AMPH: variants seen among roughly 807,000 people sequenced by gnomAD.
The protein encoded by AMPH is amphiphysin (Stiff-Mann syndrome with breast cancer 128kD autoantigen).
Under a neutral mutation model 99.1 loss-of-function variants are expected in AMPH, and 49 were observed. The observed-to-expected ratio is 0.49, with a 90% CI of 0.39 to 0.63. The LOEUF is 0.63. Ranked by LOEUF, AMPH falls within the 20% of genes least tolerant of loss-of-function variation. AMPH has a pLI of 0.00. For synonymous variants in AMPH, 314 were observed against 317.3 expected (o/e 0.99, Z 0.11); for missense variants, 759 against 863.4 (o/e 0.88, Z 1.52).
chr7:38,569,776 G>C (rs1031881809), intron 1 of AMPH, among the ~76,000 whole-genome samples: 1 of 152,044 alleles, frequency 6.6e-6, no homozygotes, highest in Non-Finnish European at 1.5e-5. Flanking sequence ...TGATTAGGCT[G>C]ACCACAGCCT....
At chr7:38,611,864 G>T (rs1793691751) in intron 1 of AMPH, among the ~76,000 whole-genome samples, 1 of 152,154 alleles carries the variant, frequency 6.6e-6, no homozygotes, top group South Asian at 2.1e-4. Flanking sequence ...AGTAATAGGA[G>T]CTAATTATTA....
intron 4 of AMPH, among the ~76,000 whole-genome samples, chr7:38,492,138 T>C (rs1223852647): frequency 1.3e-5 from 2 of 152,248 alleles, no homozygotes; most frequent in African/African-American, 4.8e-5. Flanking sequence ...ACCTCCCATT[T>C]TAGCTCGGCC....
chr7:38,418,402 G>T (rs1368195686), intron 16 of AMPH, among the ~76,000 whole-genome samples: 1 of 152,180 alleles, frequency 6.6e-6, no homozygotes, highest in Non-Finnish European at 1.5e-5. Flanking sequence ...TTGCCAGTGG[G>T]AAGGAGTAAG....
intron 1 of AMPH, among the ~76,000 whole-genome samples, chr7:38,608,478 A>T (rs79404663): frequency 0.066 from 10,048 of 152,106 alleles, 454 homozygotes; most frequent in South Asian, 0.1. Context: ...TGTCTTCCTA[A>T]CATACTATTT....
intron 1 of AMPH, among the ~76,000 whole-genome samples, chr7:38,535,943 T>C (rs545901585): frequency 2.2e-4 from 34 of 152,250 alleles, no homozygotes; most frequent in Admixed American, 2.0e-3. Flanking sequence ...ATCTACTTCA[T>C]AGGGACAGTA....
At chr7:38,419,594 A>G (rs1466442777) in intron 16 of AMPH, among the ~76,000 whole-genome samples, 1 of 152,242 alleles carries the variant, frequency 6.6e-6, no homozygotes, top group African/African-American at 2.4e-5. Flanking sequence ...ATAGTGGAAC[A>G]AGTTTTCATA....
At chr7:38,509,129 T>C (rs2129029468) in intron 2 of AMPH, among the ~76,000 whole-genome samples, 1 of 152,320 alleles carries the variant, frequency 6.6e-6, no homozygotes, top group Middle Eastern at 3.4e-3. Flanking sequence ...CTGTCTGTCA[T>C]TAAGAACCCA....
At chr7:38,506,860 A>G (rs1020894530) in intron 2 of AMPH, among the ~76,000 whole-genome samples, 2 of 152,242 alleles carry the variant, frequency 1.3e-5, no homozygotes, top group Non-Finnish European at 2.9e-5. Flanking sequence ...TGTCTGCTTT[A>G]GGATTCTGCT....
At chr7:38,531,860 T>A (rs1285554005) in intron 2 of AMPH, among the ~76,000 whole-genome samples, 7 of 152,240 alleles carry the variant, frequency 4.6e-5, no homozygotes, top group Admixed American at 4.6e-4. Context: ...CTAGATTAGA[T>A]AATGCCTTTA....
chr7:38,623,999 A>T (rs1488215501), intron 1 of AMPH, among the ~76,000 whole-genome samples: 1 of 152,262 alleles, frequency 6.6e-6, no homozygotes, highest in East Asian at 1.9e-4. Flanking sequence ...TATAGAATCC[A>T]TAAGGGTAAT....
At chr7:38,621,415 A>G (rs1794056356) in intron 1 of AMPH, among the ~76,000 whole-genome samples, 1 of 152,216 alleles carries the variant, frequency 6.6e-6, no homozygotes. Flanking sequence ...TGCCTTCCAC[A>G]TATTAGATTC....
Position 38,396,286 on chromosome 7 carries a change from T to C in AMPH, c.1399-2072A>G, listed in dbSNP as rs532671359. ...GTGGGTCTTTCCCATGCTGTTCTCA[T>C]GATAGTGACTGGGTCTCACCAGATT... On this transcript the variant is annotated intron_variant, in intron 17 of 20. Transcript: ENST00000356264. 9.8e-5 allele frequency among the ~76,000 whole-genome samples: 15 copies of C among 152,316 alleles called. No individual in the cohort carries two copies. The South Asian group carries it at 3.1e-3, about 32-fold the overall frequency.
chr7:38,472,955 C>T (rs549884879), intron 7 of AMPH, among the ~76,000 whole-genome samples: 8 of 152,186 alleles, frequency 5.3e-5, no homozygotes, highest in African/African-American at 1.7e-4. Context: ...AGGAAGGGCA[C>T]AAAAGACTGA....
chr7:38,394,483 C>G (rs1415171681), intron 17 of AMPH, among the ~76,000 whole-genome samples: 1 of 152,204 alleles, frequency 6.6e-6, no homozygotes, highest in East Asian at 1.9e-4. Context: ...TGACATACAC[C>G]ATTCCAAAGA....
chr7:38,444,033 T>C (rs80150237), intron 11 of AMPH, among the ~76,000 whole-genome samples: 79 of 152,072 alleles, frequency 5.2e-4, no homozygotes, highest in African/African-American at 1.8e-3. Flanking sequence ...GTTGTACTTA[T>C]AGACAATAGT....
intron 4 of AMPH, among the ~76,000 whole-genome samples, chr7:38,493,359 G>C (rs758576763): frequency 2.0e-5 from 3 of 152,162 alleles, no homozygotes; most frequent in Admixed American, 6.5e-5. Context: ...ATCTGTGACT[G>C]GCAGTTGTCT....
chr7:38,417,308 T>TTG (rs200088026), intron 17 of AMPH, among the ~76,000 whole-genome samples: 3 of 134,890 alleles, frequency 2.2e-5, no homozygotes, highest in Non-Finnish European at 4.9e-5. Flanking sequence ...GTCCGTATTA[T>TTG]TATGAGTCAT....
At chr7:38,598,319 T>C (rs1369764274) in intron 1 of AMPH, among the ~76,000 whole-genome samples, 1 of 151,836 alleles carries the variant, frequency 6.6e-6, no homozygotes, top group Non-Finnish European at 1.5e-5. Context: ...AGTCTTACTC[T>C]GTCACCTGGA....
Position 38,587,914 on chromosome 7 carries a change from C to CTGTGTGTGTGTGTG in AMPH, c.69+43355_69+43368dup, listed in dbSNP as rs200023803. ...TGAACTTTAAACAGCTTATTAATTACTGTGTGTGTGTGTGTGTGTGTGTGT... is the reference window on the plus strand; with the variant it reads ...TGAACTTTAAACAGCTTATTAATTACTGTGTGTGTGTGTGTGTGTGTGTGTGTGTGTGTGTGTGT... On this transcript the variant is annotated intron_variant, in intron 1 of 20. Transcript: ENST00000356264. Among the ~76,000 whole-genome samples, 8 of 126,196 alleles carry CTGTGTGTGTGTGTG rather than the reference C, an allele frequency of 6.3e-5. No individual in the cohort carries two copies. In the South Asian group the frequency reaches 1.2e-3, roughly 19 times the overall value. 82.8% of individuals were successfully genotyped at this position (126,196 alleles called of 152,430 possible).
Sources: allele counts gnomAD v4.1 joint callset (sites outside exome capture counted in the v4.1 genomes callset), GRCh38; gene constraint gnomAD v4.1.1; transcripts MANE v1.5; gene names NCBI Gene and HGNC (gene_info 2026-07-23, HGNC 2026-07-21).